Variants in BCAS2 observed in about 807,000 individuals in gnomAD.
BCAS2 encodes pre-mRNA-splicing factor SPF27.
Under a neutral mutation model 35.3 loss-of-function variants are expected in BCAS2, and 34 were observed. The observed-to-expected ratio is 0.96, with a 90% CI of 0.73 to 1.28. The LOEUF (loss-of-function observed/expected upper bound fraction) is 1.28, where lower values mean the gene tolerates loss of function less well. Ranked by LOEUF, BCAS2 falls within the 50% of genes most tolerant of loss-of-function variation. The pLI, the probability that BCAS2 is intolerant of heterozygous loss-of-function variation, is 0.00. For synonymous variants in BCAS2, 75 were observed against 91.6 expected (o/e 0.82, Z 1.03); for missense variants, 221 against 268.1 (o/e 0.82, Z 1.23).
Position 114,568,133 on chromosome 1 carries a change from G to A in BCAS2, c.675C>T (p.Phe225=). Residue 225 remains phenylalanine, a synonymous_variant, in exon 7 of 7, where the codon TTC becomes TTT. Transcript: ENST00000369541. ...EANKENIRQD[F] is the part of the protein sequence containing the mutation. Reference sequence around the variant, plus strand: ...TTCTACCTGCTAAATTGTCTTTTCAGAAGTCTTGCCGGATGTTTTCTTTGT... The same window carrying A: ...TTCTACCTGCTAAATTGTCTTTTCAAAAGTCTTGCCGGATGTTTTCTTTGT... The A allele has an allele frequency of 6.2e-7, 1 of 1,612,324 alleles. No homozygotes were observed.
At chr1:114,573,018 A>G (rs1423633234) in intron 4 of BCAS2, among the ~76,000 whole-genome samples, 2 of 149,880 alleles carry the variant, frequency 1.3e-5, no homozygotes, top group Non-Finnish European at 3.0e-5. Context: ...CTGAGGCAGA[A>G]GAGTTGCTTG....
chr1:114,576,247 C>CTCTCTCTATA (rs1423198106), intron 3 of BCAS2, among the ~76,000 whole-genome samples: 2 of 131,672 alleles, frequency 1.5e-5, no homozygotes, highest in African/African-American at 5.8e-5. Context: ...CTCTCTCTCT[C>CTCTCTCTATA]TATATATATA....
intron 2 of BCAS2, among the ~76,000 whole-genome samples, chr1:114,580,178 C>G (rs1156711048): frequency 6.6e-6 from 1 of 152,130 alleles, no homozygotes; most frequent in African/African-American, 2.4e-5. Context: ...CACACCTCAG[C>G]CTCCTAAAGT....
At chr1:114,569,827 C>G (rs561770507) in intron 6 of BCAS2, among the ~76,000 whole-genome samples, 165 bp downstream of exon 6, 1 of 152,250 alleles carries the variant, frequency 6.6e-6, no homozygotes, top group East Asian at 1.9e-4. Context: ...TTATAGTTCT[C>G]TTTAACACCT....
intron 2 of BCAS2, among the ~76,000 whole-genome samples, chr1:114,577,360 A>T (rs6676893): frequency 0.028 from 4,083 of 146,868 alleles, 197 homozygotes; most frequent in African/African-American, 0.095. Flanking sequence ...TCCAAGAAAT[A>T]ATTTATTTAT....
chr1:114,573,544 A>T (rs1654694734), intron 4 of BCAS2, among the ~76,000 whole-genome samples: 1 of 152,114 alleles, frequency 6.6e-6, no homozygotes, highest in African/African-American at 2.4e-5. Context: ...CCCATCTCTT[A>T]ACGCTTAGTT....
chr1:114,575,181 CT>C (rs1441398181), intron 4 of BCAS2, among the ~76,000 whole-genome samples: 2 of 104,094 alleles, frequency 1.9e-5, no homozygotes, highest in Non-Finnish European at 1.8e-5. Context: ...TTTTCTTTTT[CT>C]TTTCTTTTTT....
intron 2 of BCAS2, among the ~76,000 whole-genome samples, chr1:114,577,377 A>C (rs59884246): frequency 6.7e-6 from 1 of 149,794 alleles, no homozygotes; most frequent in Non-Finnish European, 1.5e-5. Context: ...TTATTTATTT[A>C]TTTTTTTTTT....
chr1:114,575,652 A>T lies in BCAS2; in HGVS notation c.357T>A (p.Val119=). The T allele has an allele frequency of 6.2e-7, 1 of 1,612,828 alleles. No individual in the cohort carries two copies. Among genetic ancestry groups the T allele is most frequent in the Non-Finnish European group, 8.5e-7 (1 of 1,179,870 alleles). ...NSMAQLEHQA[V]RIENLELMSQ... ...ACATTAGTTCCAGATTCTCAATTCT[A>T]ACTGCTTGATGCTCTAACTGGGCCA... The change falls in exon 4 of 7, where the codon GTT becomes GTA. Residue 119 remains valine (V), a synonymous_variant. Transcript: ENST00000369541.
At chr1:114,575,525 T>C in intron 4 of BCAS2, 65 bp downstream of exon 4, 1 of 1,472,868 alleles carries the variant, frequency 6.8e-7, no homozygotes, top group Non-Finnish European at 9.2e-7. Context: ...TACTAAAACT[T>C]TGGGTGAGAT....
chr1:114,572,762 T>C (rs1367065169), intron 4 of BCAS2, among the ~76,000 whole-genome samples: 1 of 151,812 alleles, frequency 6.6e-6, no homozygotes, highest in Non-Finnish European at 1.5e-5. Context: ...AAAGGACTAG[T>C]TTGGGTTGAG....
At chr1:114,568,419 A>G (rs1654571155) in intron 6 of BCAS2, among the ~76,000 whole-genome samples, 163 bp from the exon 7 acceptor site, 1 of 149,386 alleles carries the variant, frequency 6.7e-6, no homozygotes, top group Non-Finnish European at 1.5e-5. Flanking sequence ...CAGGCTGGAG[A>G]ACAATGGCGC....
At chr1:114,570,850 C>T (rs1654625055) in intron 4 of BCAS2, 100 bp from the exon 5 acceptor site, 2 of 821,606 alleles carry the variant, frequency 2.4e-6, no homozygotes, top group African/African-American at 3.5e-5. Context: ...ATTTATGGAG[C>T]TCTGTGCCAA....
chr1:114,578,513 C>T (rs1340693415), intron 2 of BCAS2, among the ~76,000 whole-genome samples: 1 of 152,188 alleles, frequency 6.6e-6, no homozygotes, highest in Non-Finnish European at 1.5e-5. Context: ...GGAATTTTAG[C>T]TCATCTCTCT....
Position 114,576,701 on chromosome 1 carries a change from G to A in BCAS2, c.244C>T (p.Leu82Phe). 1 of 1,610,148 alleles carries A rather than the reference G, an allele frequency of 6.2e-7. No homozygotes were observed. Among genetic ancestry groups the A allele is most frequent in the Non-Finnish European group, 8.5e-7 (1 of 1,177,872 alleles). ...TAATATTCTTACCGTTTCATACTGAGCAATTCAATTGGTTGTCGAGCAGCC... is the reference window on the plus strand; with the variant it reads ...TAATATTCTTACCGTTTCATACTGAACAATTCAATTGGTTGTCGAGCAGCC... The part of the protein sequence containing the change: ...RLAARQPIEL[L>F]SMKRYELPAP... Residue 82 changes from leucine (L) to phenylalanine (F), a missense_variant, in exon 3 of 7, where the codon CTC becomes TTC. Transcript: ENST00000369541.
Position 114,569,278 on chromosome 1 carries a change from C to A in BCAS2, c.551+714G>T, listed in dbSNP as rs569186339. Among the ~76,000 whole-genome samples the A allele has an allele frequency of 2.7e-5, 4 of 150,836 alleles. No individual in the cohort carries two copies. In the South Asian group the frequency reaches 8.5e-4, roughly 32 times the overall value. On this transcript the variant is annotated intron_variant, in intron 6 of 6. Transcript: ENST00000369541. ...AAGGGTACCAACGAGACTGGTAAGACGTACATGGAGACGGTGGAACAAGAA... is the reference window on the plus strand; with the variant it reads ...AAGGGTACCAACGAGACTGGTAAGAAGTACATGGAGACGGTGGAACAAGAA...
rs67885657 is a variant in BCAS2 at position 114,576,247 on chromosome 1, C to CTATATA, written c.257+435_257+440dup. Among the ~76,000 whole-genome samples the CTATATA allele has an allele frequency of 1.4e-3, 190 of 131,662 alleles. 1 individual carries two copies. Among genetic ancestry groups the CTATATA allele is most frequent in the African/African-American group, 3.7e-3 (129 of 34,664 alleles). The allele number at this position is 131,662 out of a possible 152,430, so 86.4% of individuals were successfully genotyped here. On this transcript the variant is annotated intron_variant, in intron 3 of 6. Coordinates refer to ENST00000369541, the MANE Select transcript of BCAS2 (RefSeq NM_005872.3). ...CCTCTCTCTCTCTCTCTCTCTCTCT[C>CTATATA]TATATATATATATATATAGTTTTTT... is the stretch of plus-strand genomic sequence containing the variant.
At chr1:114,569,878 A>G (rs1253407740) in intron 6 of BCAS2, 114 bp downstream of exon 6, 24 of 785,010 alleles carry the variant, frequency 3.1e-5, no homozygotes, top group Non-Finnish European at 5.0e-5. Context: ...TTCAGAAAAT[A>G]GCATTTCTTT....
chr1:114,575,642 T>G lies in BCAS2; in HGVS notation c.367A>C (p.Asn123His). ...CCATGCTGTGACATTAGTTCCAGAT[T>G]CTCAATTCTAACTGCTTGATGCTCT... Reference protein sequence around the residue: ...QLEHQAVRIENLELMSQHGCN... With the variant: ...QLEHQAVRIEHLELMSQHGCN... Residue 123 changes from asparagine to histidine, a missense_variant, in exon 4 of 7, where the codon AAT becomes CAT. Transcript: ENST00000369541. 1 of 1,612,458 alleles carries G rather than the reference T, an allele frequency of 6.2e-7. No individual in the cohort carries two copies. Among genetic ancestry groups the G allele is most frequent in the South Asian group, 1.1e-5 (1 of 90,896 alleles).
Sources: allele counts gnomAD v4.1 joint callset (sites outside exome capture counted in the v4.1 genomes callset), GRCh38; gene constraint gnomAD v4.1.1; transcripts MANE v1.5; gene names NCBI Gene and HGNC (gene_info 2026-07-23, HGNC 2026-07-21).